Variants in PLXNB1 observed in about 807,000 individuals in gnomAD.
The protein encoded by PLXNB1 is plexin-B1.
In PLXNB1, 106 loss-of-function variants were observed where a neutral mutation model predicts 209.4. The observed-to-expected ratio is 0.51, with a 90% CI of 0.43 to 0.59. PLXNB1 has a LOEUF of 0.59. PLXNB1 is among the 20% of genes least tolerant of loss of function. PLXNB1 has a pLI of 0.00. For synonymous variants in PLXNB1, 1,167 were observed against 1,183.2 expected (o/e 0.99, Z 0.28); for missense variants, 2,357 against 2,853.2 (o/e 0.83, Z 3.96).
chr3:48,404,742 G>GC, intron 37 of PLXNB1, 152 bp from the exon 38 acceptor site: 1 of 585,148 alleles, frequency 1.7e-6, no homozygotes, highest in South Asian at 2.1e-5. Flanking sequence ...GGACCTCAGG[G>GC]CCTCGCTGGC....
At position 48,410,430 on chromosome 3, in the gene PLXNB1, C is replaced by T. The variant is rs973665788; in HGVS notation, c.5520+25G>A. Reference sequence around the variant, plus strand: ...TCCACCAGTCCCACCCCACCATGCCCTCCTCCAGCTCCCACTCCTCCTACC... The same window carrying T: ...TCCACCAGTCCCACCCCACCATGCCTTCCTCCAGCTCCCACTCCTCCTACC... On this transcript the variant is annotated intron_variant, in intron 30 of 37. Transcript: ENST00000296440. This position sits in a 1 kb window ranked among gnomAD's most constrained non-coding sequence, Gnocchi z 6.4. 6.2e-7 allele frequency: 1 copy of T among 1,611,936 alleles called. No homozygotes were observed. Among genetic ancestry groups the T allele is most frequent in the African/African-American group, 1.3e-5 (1 of 74,888 alleles).
Position 48,404,057 on chromosome 3 carries a change from C to G in PLXNB1, c.*429G>C, listed in dbSNP as rs1250076604. 6.0e-6 allele frequency: 1 copy of G among 165,390 alleles called. No individual in the cohort carries two copies. Among genetic ancestry groups the G allele is most frequent in the African/African-American group, 2.4e-5 (1 of 41,806 alleles). 10.2% of individuals were successfully genotyped at this position (165,390 alleles called of 1,614,324 possible). On this transcript the variant is annotated 3_prime_UTR_variant, in exon 38 of 38. Coordinates refer to ENST00000296440, the MANE Select transcript of PLXNB1 (RefSeq NM_001130082.3). ...CTAGGATGTGGCAGCAGCAACAAGG[C>G]CAGAGGCAGCTCAACTGAGGTCAGG...
intron 3 of PLXNB1, 24 bp downstream of exon 3, chr3:48,423,481 A>G (rs2038669243): frequency 8.8e-6 from 14 of 1,599,572 alleles, no homozygotes; most frequent in Non-Finnish European, 1.2e-5. Flanking sequence ...AGAGGCGGAA[A>G]AGTGGGGCAA....
chr3:48,412,575 G>A lies in PLXNB1; in HGVS notation c.4900C>T (p.Arg1634Cys), dbSNP rs367774740. The change falls in exon 26 of 38, where the codon CGT (arginine) becomes TGT (cysteine). Residue 1634 changes from arginine (R) to cysteine (C), a missense_variant. Coordinates refer to ENST00000296440, the MANE Select transcript of PLXNB1 (RefSeq NM_001130082.3). ...ESQRTFSARD[R>C]AYVASLLTVA... ...GTGAGCAGAGATGCCACGTAGGCAC[G>A]GTCCCGAGCTGAAAAGGTGCGCTGG... The A allele has an allele frequency of 1.3e-5, 21 of 1,613,496 alleles. No individual in the cohort carries two copies. Among genetic ancestry groups the A allele is most frequent in the Admixed American group, 1.7e-5 (1 of 60,010 alleles).
chr3:48,421,622 C>A (rs2038524755), intron 7 of PLXNB1, 52 bp downstream of exon 7: 1 of 1,524,154 alleles, frequency 6.6e-7, no homozygotes, highest in Admixed American at 1.8e-5. Flanking sequence ...TCTACCCAGA[C>A]CTTGATGCCC....
rs1245471019 is a variant in PLXNB1 at position 48,422,175 on chromosome 3, G to A, written c.1450C>T (p.Gln484Ter). Residue 484 changes from glutamine (Q) to a stop codon, truncating the protein, a stop_gained, in exon 6 of 38, where the codon CAG (glutamine) becomes TAG (stop). Coordinates refer to ENST00000296440, the MANE Select transcript of PLXNB1 (RefSeq NM_001130082.3). LOFTEE classifies it high-confidence loss of function. ...AGGCAAGATGCACAGTCCAGGTGCT[G>A]AGCACAGGAAGCCACAGGAACCTTC... ...LLKVPVASCA[Q>*]HLDCASCLAH... is the part of the protein sequence containing the mutation. 3 of 1,614,100 alleles carry A rather than the reference G, an allele frequency of 1.9e-6. No homozygotes were observed.
At position 48,420,673 on chromosome 3, in the gene PLXNB1, T is replaced by A; in HGVS notation, c.2020A>T (p.Ser674Cys). 2 of 1,613,452 alleles carry A rather than the reference T, an allele frequency of 1.2e-6. No individual in the cohort carries two copies. Among genetic ancestry groups the A allele is most frequent in the Non-Finnish European group, 1.7e-6 (2 of 1,179,674 alleles). ...CCCAAAGTCACACTCACCTGATGGC[T>A]TGCAACCATGGGCCCAGCATCACAC... ...ASCDAGPMVA[S>C]HQSPLVSPDP... Residue 674 changes from serine to cysteine, a missense_variant, in exon 10 of 38, where the codon AGC (serine) becomes TGC (cysteine). Physicochemically the swap from Ser to Cys is moderately radical, Grantham distance 112. Transcript: ENST00000296440.
Position 48,422,478 on chromosome 3 carries a change from G to T in PLXNB1, c.1291-19C>A. ...AGTAGACCTGGGATCAGAGACCACA[G>T]GGTCTGGGACCCAAGTCCATGGCCA... is the stretch of plus-strand genomic sequence containing the variant. On this transcript the variant is annotated intron_variant, in intron 4 of 37. Coordinates refer to ENST00000296440, the MANE Select transcript of PLXNB1 (RefSeq NM_001130082.3). The T allele has an allele frequency of 6.4e-7, 1 of 1,564,536 alleles. No individual in the cohort carries two copies. Among genetic ancestry groups the T allele is most frequent in the East Asian group, 2.3e-5 (1 of 42,758 alleles).
Position 48,416,504 on chromosome 3 carries a change from A to G in PLXNB1, c.3375-53T>C. The G allele has an allele frequency of 7.8e-7, 1 of 1,274,474 alleles. No individual in the cohort carries two copies. The highest frequency in any genetic ancestry group is 1.1e-6 in the Non-Finnish European group (1 of 894,108). 78.9% of individuals were successfully genotyped at this position (1,274,474 alleles called of 1,614,324 possible). A position where few individuals can be genotyped will look rare whatever the true frequency, so the allele number is the denominator to read the frequency against. ...GCCAGGCTGCATCAAGGGCCCCTCA[A>G]GCTTACCTGGCAGCCCCTCTCCCTG... On this transcript the variant is annotated intron_variant, in intron 16 of 37. Transcript: ENST00000296440. This position sits in a 1 kb window ranked among gnomAD's most constrained non-coding sequence, Gnocchi z 4.1.
rs201323523 is a variant in PLXNB1, at chr3:48,409,480, C to T, written c.5940-4G>A. 2.4e-4 allele frequency: 382 copies of T among 1,614,074 alleles called. 1 individual carries two copies. The highest frequency in any genetic ancestry group is 3.3e-4 in the Middle Eastern group (2 of 6,062). ...GATCCAGAACCTCAGAGGCAAGCTG[C>T]GGGTGGGGCAGGCATGGCCGATGAA... On this transcript the variant is annotated splice_polypyrimidine_tract_variant and splice_region_variant and intron_variant, in intron 33 of 37. Coordinates refer to ENST00000296440, the MANE Select transcript of PLXNB1 (RefSeq NM_001130082.3). The surrounding 1 kb of genome is among the most constrained non-coding windows in gnomAD (Gnocchi z 5.8).
At position 48,422,957 on chromosome 3, in the gene PLXNB1, G is replaced by A; in HGVS notation, c.1108-10C>T. 1.2e-6 allele frequency: 2 copies of A among 1,607,026 alleles called. No homozygotes were observed. The highest frequency in any genetic ancestry group is 2.2e-5 in the East Asian group (1 of 44,718). ...AAGCATCCAGGGTGTCCTATAGGCAGCAAGAAGCATCAGGAAGGCCCTCCC... is the reference window on the plus strand; with the variant it reads ...AAGCATCCAGGGTGTCCTATAGGCAACAAGAAGCATCAGGAAGGCCCTCCC... On this transcript the variant is annotated splice_polypyrimidine_tract_variant and intron_variant, in intron 3 of 37. Coordinates refer to ENST00000296440, the MANE Select transcript of PLXNB1 (RefSeq NM_001130082.3).
intron 1 of PLXNB1, among the ~76,000 whole-genome samples, chr3:48,425,989 C>T (rs1024654914): frequency 2.6e-5 from 4 of 152,306 alleles, no homozygotes; most frequent in Middle Eastern, 3.4e-3. Context: ...CACACTCACC[C>T]GAGACATTCA....
chr3:48,406,575 G>A lies in PLXNB1; in HGVS notation c.6228+248C>T. 7.5e-7 allele frequency: 1 copy of A among 1,331,766 alleles called. No homozygotes were observed. Among genetic ancestry groups the A allele is most frequent in the South Asian group, 2.0e-5 (1 of 50,988 alleles). 82.5% of individuals were successfully genotyped at this position (1,331,766 alleles called of 1,614,324 possible). A position where few individuals can be genotyped will look rare whatever the true frequency, so the allele number is the denominator to read the frequency against. ...GGGCTGAATCCCAGCTACCTTGCAA[G>A]AGCCTGGCTGAATCAGGGTACATGG... On this transcript the variant is annotated intron_variant, in intron 36 of 37. Coordinates refer to ENST00000296440, the MANE Select transcript of PLXNB1 (RefSeq NM_001130082.3). This position sits in a 1 kb window ranked among gnomAD's most constrained non-coding sequence, Gnocchi z 4.4.
chr3:48,420,757 T>C lies in PLXNB1; in HGVS notation c.1936A>G (p.Ser646Gly). 6.2e-7 allele frequency: 1 copy of C among 1,614,024 alleles called. No homozygotes were observed. Among genetic ancestry groups the C allele is most frequent in the Non-Finnish European group, 8.5e-7 (1 of 1,179,958 alleles). The change falls in exon 10 of 38, where the codon AGC becomes GGC. Residue 646 changes from serine (S) to glycine (G), a missense_variant. Around this residue, in one of 7 missense-constraint regions of PLXNB1, gnomAD observed 214 missense variants for 297.1 expected, o/e 0.72. Coordinates refer to ENST00000296440, the MANE Select transcript of PLXNB1 (RefSeq NM_001130082.3). ...CACCAGTTACACCCCCAGCGGCTGC[T>C]CACACAGGCCTGGCACCTGCACAGA... ...RPSAQCQACV[S>G]SRWGCNWCVW... is the part of the protein sequence containing the mutation.
rs772591879 is a variant in PLXNB1, at chr3:48,415,281, C to T, written c.3861G>A (p.Val1287=). The T allele has an allele frequency of 8.7e-6, 14 of 1,613,506 alleles. No homozygotes were observed. The highest frequency in any genetic ancestry group is 3.4e-6 in the Non-Finnish European group (4 of 1,180,036). Residue 1287 remains valine (V), a synonymous_variant, in exon 20 of 38, where the codon GTG becomes GTA. Transcript: ENST00000296440. This position sits in a 1 kb window ranked among gnomAD's most constrained non-coding sequence, Gnocchi z 5.0. The part of the protein sequence containing the change: ...LDVVQTPRIR[V]TVVSRMLQPS... Reference sequence around the variant, plus strand: ...GCTGCAGCATTCTCGAGACCACGGTCACCCGGATTCTTGGCGTCTGTACCA... The same window carrying T: ...GCTGCAGCATTCTCGAGACCACGGTTACCCGGATTCTTGGCGTCTGTACCA...
intron 1 of PLXNB1, among the ~76,000 whole-genome samples, chr3:48,427,550 C>G (rs996695915): frequency 7.2e-5 from 11 of 152,230 alleles, no homozygotes; most frequent in African/African-American, 2.4e-4. Context: ...CACCCCTCCC[C>G]CAAGAGCCTC....
rs34781337 is a variant in PLXNB1, at chr3:48,406,876, T to A, written c.6175A>T (p.Thr2059Ser). 4.3e-6 allele frequency: 7 copies of A among 1,612,974 alleles called. No individual in the cohort carries two copies. The African/African-American group carries it at 9.4e-5, about 22-fold the overall frequency. ...VERYYADIRQTVPASDQEMNS... is the reference protein window; with the variant it reads ...VERYYADIRQSVPASDQEMNS... Reference sequence around the variant, plus strand: ...ATCTCTTGGTCGCTGGCTGGGACAGTCTGTCTGATGTCTGCATAGTACCTG... The same window carrying A: ...ATCTCTTGGTCGCTGGCTGGGACAGACTGTCTGATGTCTGCATAGTACCTG... The change falls in exon 36 of 38, where the codon ACT becomes TCT. Residue 2059 changes from threonine (T) to serine (S), a missense_variant. Thr to Ser is a moderately conservative substitution (Grantham distance 58, BLOSUM62 1). Around this residue, in one of 7 missense-constraint regions of PLXNB1, gnomAD observed 414 missense variants for 520.5 expected, o/e 0.80. Transcript: ENST00000296440. The surrounding 1 kb of genome is among the most constrained non-coding windows in gnomAD (Gnocchi z 4.4).
At position 48,419,859 on chromosome 3, in the gene PLXNB1, A is replaced by G. The variant is rs756188437; in HGVS notation, c.2427T>C (p.Ala809=). 1.3e-6 allele frequency: 2 copies of G among 1,569,522 alleles called. No individual in the cohort carries two copies. Among genetic ancestry groups the G allele is most frequent in the Admixed American group, 3.6e-5 (2 of 55,136 alleles). ...GGTCCAGGGGCACTGTGGGATGAAGAGCCTCGGGGCCAGGGTCTGCAGGGG... is the reference window on the plus strand; with the variant it reads ...GGTCCAGGGGCACTGTGGGATGAAGGGCCTCGGGGCCAGGGTCTGCAGGGG... ...AVPPADPGPE[A]LHPTVPLDLP... The change falls in exon 11 of 38, where the codon GCT becomes GCC. Residue 809 remains alanine (A), a synonymous_variant. Transcript: ENST00000296440. The surrounding 1 kb of genome is among the most constrained non-coding windows in gnomAD (Gnocchi z 5.7).
rs1035989985 is a variant in PLXNB1, at chr3:48,404,268, G to A, written c.*218C>T. On this transcript the variant is annotated 3_prime_UTR_variant, in exon 38 of 38. Transcript: ENST00000296440. ...CCGGTGTCACAGGGTCGCTGGACTC[G>A]GGGAGCAGGCTGGGTACTACCCCAT... 7 of 534,672 alleles carry A rather than the reference G, an allele frequency of 1.3e-5. No homozygotes were observed. The highest frequency in any genetic ancestry group is 9.1e-5 in the East Asian group (3 of 32,788). The allele number at this position is 534,672 out of a possible 1,614,324, so 33.1% of individuals were successfully genotyped here. A position where few individuals can be genotyped will look rare whatever the true frequency, so the allele number is the denominator to read the frequency against.
Sources: allele counts gnomAD v4.1 joint callset (sites outside exome capture counted in the v4.1 genomes callset), GRCh38; gene constraint gnomAD v4.1.1; regional missense constraint gnomAD v4.1.1; non-coding constraint Gnocchi (gnomAD v3.1); transcripts MANE v1.5; gene names NCBI Gene and HGNC (gene_info 2026-07-23, HGNC 2026-07-21).